TUT4: variants seen among roughly 807,000 people sequenced by gnomAD.
The protein encoded by TUT4 is terminal uridylyltransferase 4.
TUT4 carries 36 observed loss-of-function variants against 192.2 expected under a neutral mutation model. The ratio of observed to expected loss-of-function variants is 0.19; its 90% CI spans 0.14 to 0.25. The LOEUF (loss-of-function observed/expected upper bound fraction) is 0.25, where lower values mean the gene tolerates loss of function less well. Among genes scored for constraint, TUT4 ranks in the 10% least tolerant of loss-of-function variants. TUT4 has a pLI of 1.00. For missense variants in TUT4, 1,493 were observed against 1,957.2 expected (o/e 0.76, Z 4.47); for synonymous variants, 618 against 666.0 (o/e 0.93, Z 1.11).
At chr1:52,537,074 C>T (rs1046232973) in intron 1 of TUT4, among the ~76,000 whole-genome samples, 1 of 151,950 alleles carries the variant, frequency 6.6e-6, no homozygotes, top group African/African-American at 2.4e-5. Flanking sequence ...GCAGGATAAT[C>T]GCTTGAACCC....
intron 24 of TUT4, among the ~76,000 whole-genome samples, chr1:52,445,373 G>A (rs1025554772): frequency 6.6e-6 from 1 of 152,152 alleles, no homozygotes. Context: ...TCTTCTATGT[G>A]TATATTTTCA....
intron 28 of TUT4, among the ~76,000 whole-genome samples, chr1:52,427,991 C>G (rs1281018125): frequency 2.0e-5 from 3 of 152,052 alleles, no homozygotes; most frequent in Non-Finnish European, 4.4e-5. Context: ...AATACAGGGA[C>G]AGAGGTACAC....
chr1:52,477,667 T>A, intron 12 of TUT4, 41 bp downstream of exon 12: 1 of 1,557,954 alleles, frequency 6.4e-7, no homozygotes, highest in Admixed American at 1.8e-5. Flanking sequence ...GAGTAGCACA[T>A]AAAAAATATT....
intron 3 of TUT4, chr1:52,515,584 GT>G: frequency 2.1e-6 from 1 of 483,316 alleles, no homozygotes; most frequent in Non-Finnish European, 3.6e-6. Context: ...CCAATAAAAT[GT>G]TTACCAAAAA....
intron 20 of TUT4, among the ~76,000 whole-genome samples, chr1:52,455,022 T>A (rs1018941308): frequency 5.3e-5 from 8 of 152,200 alleles, no homozygotes; most frequent in Admixed American, 5.2e-4. Context: ...GGCTCACACT[T>A]GTAATCCCAG....
intron 1 of TUT4, among the ~76,000 whole-genome samples, chr1:52,549,246 T>C (rs1421841670): frequency 6.6e-6 from 1 of 152,182 alleles, no homozygotes; most frequent in Non-Finnish European, 1.5e-5. Context: ...TCTCACAAGA[T>C]AAAAATTCAA....
In TUT4 at chr1:52,477,835, T is replaced by C. The variant is rs141744769; in HGVS notation, c.1896A>G (p.Leu632=). 4 of 1,613,890 alleles carry C rather than the reference T, an allele frequency of 2.5e-6. No individual in the cohort carries two copies. The Admixed American group carries it at 6.7e-5, about 27-fold the overall frequency. ...TGTAGAATTTAAGCAGCTCTAACCA[T>C]AACTGTCCCAAGGATACCCGATTTG... ...ETPNRVSLGQ[L]WLELLKFYTL... Residue 632 remains leucine (L), a synonymous_variant, in exon 12 of 30, where the codon TTA becomes TTG. Transcript: ENST00000257177.
intron 9 of TUT4, among the ~76,000 whole-genome samples, 196 bp downstream of exon 9, chr1:52,488,713 T>A (rs1485184353): frequency 6.6e-6 from 1 of 152,142 alleles, no homozygotes; most frequent in Non-Finnish European, 1.5e-5. Flanking sequence ...TATCCATAAG[T>A]GTGTCTACAA....
chr1:52,465,581 T>C (rs1180161991), intron 15 of TUT4, among the ~76,000 whole-genome samples: 3 of 152,242 alleles, frequency 2.0e-5, no homozygotes, highest in East Asian at 1.9e-4. Flanking sequence ...TTTAGCTTTT[T>C]CCGACTTACA....
At position 52,431,074 on chromosome 1, in the gene TUT4, T is replaced by C; in HGVS notation, c.4650A>G (p.Gly1550=). Residue 1550 remains glycine (G), a synonymous_variant, in exon 28 of 30, where the codon GGA becomes GGG. Coordinates refer to ENST00000257177, the MANE Select transcript of TUT4 (RefSeq NM_001009881.3). ...TTGGAGCCACAGTACGGGGCCAGTG[T>C]CCATCGTGAGACGTGTTAGGGATTG... is the stretch of plus-strand genomic sequence containing the variant. ...PVAIPNTSHD[G]HWPRTVAPNS... 6.2e-7 allele frequency: 1 copy of C among 1,613,794 alleles called. No individual in the cohort carries two copies. Among genetic ancestry groups the C allele is most frequent in the Admixed American group, 1.7e-5 (1 of 59,992 alleles).
intron 28 of TUT4, 31 bp downstream of exon 28, chr1:52,430,982 G>A (rs1168571705): frequency 5.2e-6 from 8 of 1,525,242 alleles, no homozygotes; most frequent in African/African-American, 1.4e-5. Context: ...GAAAAGACAT[G>A]CAGATAAAAA....
chr1:52,538,460 T>G (rs1195870623), intron 1 of TUT4: 1 of 151,554 alleles, frequency 6.6e-6, no homozygotes, highest in African/African-American at 2.4e-5. Flanking sequence ...TCCAGGAGTT[T>G]TAGACCAGCC....
rs140618640 is a variant in TUT4 at position 52,475,758 on chromosome 1, C to T, written c.2024-223G>A. Among the ~76,000 whole-genome samples, 542 of 152,030 alleles carry T rather than the reference C, an allele frequency of 3.6e-3. 7 individuals are homozygous for T. Among genetic ancestry groups the T allele is most frequent in the South Asian group, 0.034 (163 of 4,814 alleles). On this transcript the variant is annotated intron_variant, in intron 12 of 29. Transcript: ENST00000257177. ...ATAAAAAGCTAAAAGGAAAAATAAACAAGACTAATAATAAGGTCACTAATA... is the reference window on the plus strand; with the variant it reads ...ATAAAAAGCTAAAAGGAAAAATAAATAAGACTAATAATAAGGTCACTAATA...
intron 15 of TUT4, among the ~76,000 whole-genome samples, chr1:52,465,965 T>C (rs1449271780): frequency 6.6e-6 from 1 of 152,132 alleles, no homozygotes; most frequent in African/African-American, 2.4e-5. Flanking sequence ...ACTACAGTCT[T>C]GAACTCCTTG....
At chr1:52,440,444 T>G (rs928082583) in intron 24 of TUT4, among the ~76,000 whole-genome samples, 8 of 151,184 alleles carry the variant, frequency 5.3e-5, no homozygotes, top group Non-Finnish European at 7.4e-5. Context: ...TTTTTTTTTT[T>G]TTTTTTTTTT....
intron 20 of TUT4, among the ~76,000 whole-genome samples, chr1:52,448,528 G>A (rs1346582814): frequency 2.1e-5 from 3 of 142,812 alleles, no homozygotes; most frequent in African/African-American, 7.9e-5. Flanking sequence ...GATTGAGGTT[G>A]CAATGAGCTG....
chr1:52,540,038 G>A (rs951750339), intron 1 of TUT4, among the ~76,000 whole-genome samples: 2 of 150,968 alleles, frequency 1.3e-5, no homozygotes, highest in Non-Finnish European at 2.9e-5. Context: ...CTAACAAGGT[G>A]AAACCCTGTC....
intron 27 of TUT4, chr1:52,431,708 A>G (rs1226130471): frequency 3.8e-6 from 1 of 264,026 alleles, no homozygotes; most frequent in Non-Finnish European, 7.0e-6. Flanking sequence ...CATACTTCCT[A>G]TTGCAAACTC....
At chr1:52,468,378 T>A (rs1664806358) in intron 14 of TUT4, 111 bp from the exon 15 acceptor site, 1 of 753,808 alleles carries the variant, frequency 1.3e-6, no homozygotes, top group Admixed American at 3.4e-5. Context: ...GTTCATTATT[T>A]GTTGACTTCT....
Sources: allele counts gnomAD v4.1 joint callset (sites outside exome capture counted in the v4.1 genomes callset), GRCh38; gene constraint gnomAD v4.1.1; transcripts MANE v1.5; gene names NCBI Gene and HGNC (gene_info 2026-07-23, HGNC 2026-07-21).